The following PADI4 variants were observed in gnomAD, a reference collection of about 807,000 sequenced individuals.
PADI4 encodes the protein peptidyl arginine deiminase 4.
A neutral mutation model predicts 75.0 loss-of-function variants in PADI4; 62 were observed. That is an observed-to-expected ratio of 0.83 (90% confidence interval 0.67 to 1.02). The LOEUF is 1.02. Among genes scored for constraint, PADI4 ranks in the 50% least tolerant of loss-of-function variants. The pLI, the probability that PADI4 is intolerant of heterozygous loss-of-function variation, is 0.00. For synonymous variants in PADI4, 361 were observed against 348.1 expected, an observed-to-expected ratio of 1.04 and a Z score of -0.41; for missense variants, 845 against 850.5, an observed-to-expected ratio of 0.99 and a Z score of 0.08.
Position 17,359,298 on chromosome 1 carries a change from C to T in PADI4, c.1648C>T (p.Arg550Cys), listed in dbSNP as rs531113425. ...SFVERCIDWNRELLKRELGLA... is the reference protein window; with the variant it reads ...SFVERCIDWNCELLKRELGLA... ...CCCCAAGAGATGCATCGACTGGAAC[C>T]GCGAGCTGCTGAAGCGGGAGCTGGG... Residue 550 changes from arginine (R) to cysteine (C), a missense_variant, in exon 15 of 16, where the codon CGC (arginine) becomes TGC (cysteine). Physicochemically the swap from Arg to Cys is radical, Grantham distance 180. Transcript: ENST00000375448. 3.7e-6 allele frequency: 6 copies of T among 1,612,060 alleles called. No homozygotes were observed. The South Asian group carries it at 4.4e-5, about 12-fold the overall frequency.
intron 1 of PADI4, among the ~76,000 whole-genome samples, chr1:17,314,764 G>T (rs2501807): frequency 0.95 from 144,217 of 152,266 alleles, 68,335 homozygotes; most frequent in South Asian, 0.98. Context: ...ACGTTTCCCC[G>T]GGGCAGCTGA....
At chr1:17,359,641 C>T (rs1030662837) in intron 15 of PADI4, among the ~76,000 whole-genome samples, 8 of 152,176 alleles carry the variant, frequency 5.3e-5, no homozygotes, top group South Asian at 2.1e-4. Context: ...ACAAGCCACA[C>T]GGAGTTCCCC....
rs1164919771 is a variant in PADI4, at chr1:17,350,139, G to A, written c.1155+2091G>A. 7.0e-5 allele frequency among the ~76,000 whole-genome samples: 9 copies of A among 128,076 alleles called. 2 individuals carry two copies. Among genetic ancestry groups the A allele is most frequent in the Admixed American group, 8.9e-5 (1 of 11,286 alleles). 84.0% of individuals were successfully genotyped at this position (128,076 alleles called of 152,430 possible). On this transcript the variant is annotated intron_variant, in intron 10 of 15. Transcript: ENST00000375448. ...TGTATTTTGTTAAAATCATGGACTC[G>A]TTCATCTACTTTTCGTTGCCTGCGC...
intron 10 of PADI4, among the ~76,000 whole-genome samples, chr1:17,352,725 G>C (rs1212223706): frequency 1.3e-5 from 2 of 152,178 alleles, no homozygotes; most frequent in South Asian, 4.1e-4. Flanking sequence ...GGAGAATGAG[G>C]GGGTGGGAAG....
intron 15 of PADI4, among the ~76,000 whole-genome samples, chr1:17,362,424 A>G (rs1320291532): frequency 6.6e-6 from 1 of 152,042 alleles, no homozygotes; most frequent in African/African-American, 2.4e-5. Flanking sequence ...GCATTATCCT[A>G]AGTGAACTAA....
At chr1:17,353,973 C>T (rs1051186647) in intron 10 of PADI4, among the ~76,000 whole-genome samples, 2 of 151,640 alleles carry the variant, frequency 1.3e-5, no homozygotes, top group African/African-American at 4.8e-5. Flanking sequence ...GGCGTGGGGG[C>T]TCATGCCTGT....
chr1:17,344,003 G>A (rs2074471205), intron 8 of PADI4, among the ~76,000 whole-genome samples: 2 of 152,190 alleles, frequency 1.3e-5, no homozygotes, highest in South Asian at 4.1e-4. Flanking sequence ...GGGCTCAGAG[G>A]AAGACAGGAA....
chr1:17,357,456 C>T (rs1477211852), intron 13 of PADI4, among the ~76,000 whole-genome samples: 1 of 152,176 alleles, frequency 6.6e-6, no homozygotes, highest in Admixed American at 6.5e-5. Context: ...CATGAGCCAC[C>T]ACGCCTGGCT....
At chr1:17,341,554 G>A (rs924042754) in intron 6 of PADI4, among the ~76,000 whole-genome samples, 7 of 152,240 alleles carry the variant, frequency 4.6e-5, no homozygotes, top group South Asian at 2.1e-4. Flanking sequence ...CTACTCACCC[G>A]TAAGACTGTG....
At position 17,339,671 on chromosome 1, in the gene PADI4, T is replaced by C. The variant is rs2074379243; in HGVS notation, c.527-17T>C. The C allele has an allele frequency of 6.2e-7, 1 of 1,613,442 alleles. No individual in the cohort carries two copies. Among genetic ancestry groups the C allele is most frequent in the Non-Finnish European group, 8.5e-7 (1 of 1,179,794 alleles). On this transcript the variant is annotated splice_polypyrimidine_tract_variant and intron_variant, in intron 5 of 15. Transcript: ENST00000375448. ...TCTCAGGGCCCTGTGACTCAGGCAATGCCCTTCTCATCCCAGACCTGCAGG... is the reference window on the plus strand; with the variant it reads ...TCTCAGGGCCCTGTGACTCAGGCAACGCCCTTCTCATCCCAGACCTGCAGG...
chr1:17,356,475 C>A lies in PADI4; in HGVS notation c.1558+16C>A. The A allele has an allele frequency of 6.8e-7, 1 of 1,461,802 alleles. No homozygotes were observed. Among genetic ancestry groups the A allele is most frequent in the South Asian group, 1.1e-5 (1 of 87,242 alleles). The allele number at this position is 1,461,802 out of a possible 1,614,324, so 90.6% of individuals were successfully genotyped here. ...GGGATCAAGAGTAAGTCGGCCCTGC[C>A]TTGTTCTCCTGTCTGTGCACCTTCC... is the stretch of plus-strand genomic sequence containing the variant. On this transcript the variant is annotated intron_variant, in intron 13 of 15. Transcript: ENST00000375448. The surrounding 1 kb of genome is among the most constrained non-coding windows in gnomAD (Gnocchi z 4.1).
intron 1 of PADI4, among the ~76,000 whole-genome samples, chr1:17,314,451 C>G (rs2073897527): frequency 6.6e-6 from 1 of 152,240 alleles, no homozygotes; most frequent in Non-Finnish European, 1.5e-5. Context: ...CAGAAATGCA[C>G]CAGAGCCACT....
intron 2 of PADI4, among the ~76,000 whole-genome samples, chr1:17,331,667 CAGCACTT>C (rs2074215676): frequency 6.6e-6 from 1 of 152,298 alleles, no homozygotes; most frequent in Admixed American, 6.5e-5. Flanking sequence ...CCTGTAATCC[CAGCACTT>C]TGGGAGGCCG....
chr1:17,320,168 G>T (rs764882268), intron 1 of PADI4, among the ~76,000 whole-genome samples: 1 of 152,204 alleles, frequency 6.6e-6, no homozygotes, highest in African/African-American at 2.4e-5. Context: ...AGAGGTGCCC[G>T]CATTCCTTGG....
chr1:17,335,439 C>T lies in PADI4; in HGVS notation c.341-720C>T, dbSNP rs11585797. ...TGAAGGAGTCAGGAAGTCCAGGCCACGAAAGGACAATGCTTCCCCGGCCCT... is the reference window on the plus strand; with the variant it reads ...TGAAGGAGTCAGGAAGTCCAGGCCATGAAAGGACAATGCTTCCCCGGCCCT... On this transcript the variant is annotated intron_variant, in intron 3 of 15. Coordinates refer to ENST00000375448, the MANE Select transcript of PADI4 (RefSeq NM_012387.3). Among the ~76,000 whole-genome samples, 746 of 152,200 alleles carry T rather than the reference C, an allele frequency of 4.9e-3. 6 individuals carry two copies. The highest frequency in any genetic ancestry group is 0.016 in the African/African-American group (668 of 41,546).
intron 1 of PADI4, among the ~76,000 whole-genome samples, chr1:17,308,588 T>A (rs2073718412): frequency 6.6e-6 from 1 of 152,156 alleles, no homozygotes; most frequent in Non-Finnish European, 1.5e-5. Context: ...TCTCCCTGTC[T>A]TCATCGAGGC....
Position 17,331,409 on chromosome 1 carries a change from ACACTGCCAGG to A in PADI4, c.273+266_273+275del, listed in dbSNP as rs201518920. On this transcript the variant is annotated intron_variant, in intron 2 of 15. Transcript: ENST00000375448. ...CCTAACACATGCCAGACACTGCTAG[ACACTGCCAGG>A]CACTGGGAATCCAGAAATGAATAAG... Among the ~76,000 whole-genome samples, 839 of 152,344 alleles carry A rather than the reference ACACTGCCAGG, an allele frequency of 5.5e-3. 10 individuals are homozygous for A. The highest frequency in any genetic ancestry group is 0.019 in the African/African-American group (803 of 41,570).
intron 6 of PADI4, among the ~76,000 whole-genome samples, chr1:17,340,339 G>T (rs138993831): frequency 2.0e-5 from 3 of 152,126 alleles, no homozygotes; most frequent in Non-Finnish European, 2.9e-5. Context: ...TGTGTCCAAC[G>T]CTGTGACATG....
At chr1:17,316,727 T>C (rs12405468) in intron 1 of PADI4, among the ~76,000 whole-genome samples, 1 of 143,300 alleles carries the variant, frequency 7.0e-6, no homozygotes, top group Non-Finnish European at 1.5e-5. Context: ...ATTAATTAAT[T>C]AATTAAAATA....
Sources: allele counts gnomAD v4.1 joint callset (sites outside exome capture counted in the v4.1 genomes callset), GRCh38; gene constraint gnomAD v4.1.1; non-coding constraint Gnocchi (gnomAD v3.1); transcripts MANE v1.5; gene names NCBI Gene and HGNC (gene_info 2026-07-23, HGNC 2026-07-21).